Variants in SVIL observed in about 807,000 individuals in gnomAD.
SVIL encodes supervillin, also known as archvillin.
SVIL carries 101 observed loss-of-function variants against 240.4 expected under a neutral mutation model. The observed-to-expected ratio is 0.42, with a 90% CI of 0.36 to 0.50. SVIL has a LOEUF of 0.50. Ranked by LOEUF, SVIL falls within the 20% of genes least tolerant of loss-of-function variation. The pLI is 0.01. For synonymous variants in SVIL, 999 were observed against 1,100.0 expected (o/e 0.91, Z 1.82); for missense variants, 2,512 against 2,818.7 (o/e 0.89, Z 2.46).
At chr10:29,682,090 C>A (rs1564759613) in intron 2 of SVIL, among the ~76,000 whole-genome samples, 1 of 152,108 alleles carries the variant, frequency 6.6e-6, no homozygotes, top group Non-Finnish European at 1.5e-5. Context: ...GCATGGACAC[C>A]CATGCTGGCT....
chr10:29,614,421 T>C (rs1403054476), intron 1 of SVIL, among the ~76,000 whole-genome samples: 1 of 152,074 alleles, frequency 6.6e-6, no homozygotes. Context: ...CAAATGCCCA[T>C]CAATGATAGA....
intron 3 of SVIL, among the ~76,000 whole-genome samples, chr10:29,562,783 A>AG (rs1954623261): frequency 1.3e-5 from 2 of 149,146 alleles, no homozygotes; most frequent in African/African-American, 5.0e-5. Flanking sequence ...AAAAAAAAAA[A>AG]AAAAAAAAAA....
chr10:29,512,421 C>CTTTAATA (rs1239832987), intron 17 of SVIL, among the ~76,000 whole-genome samples: 2 of 152,146 alleles, frequency 1.3e-5, no homozygotes, highest in Non-Finnish European at 2.9e-5. Flanking sequence ...ATTATAAAGG[C>CTTTAATA]TTTAATAACA....
At chr10:29,469,586 C>T (rs11007604) in intron 32 of SVIL, among the ~76,000 whole-genome samples, 14,434 of 152,292 alleles carry the variant, frequency 0.095, 856 homozygotes, top group Non-Finnish European at 0.13. Context: ...AGGCAGACCA[C>T]CTTACCGGGG....
At chr10:29,490,706 G>T in intron 22 of SVIL, 141 bp downstream of exon 22, 4 of 991,196 alleles carry the variant, frequency 4.0e-6, no homozygotes, top group Non-Finnish European at 2.9e-6. Context: ...ACATGTATGT[G>T]CAAACTTACT....
chr10:29,702,721 C>T (rs1289211238), intron 1 of SVIL, among the ~76,000 whole-genome samples: 2 of 152,192 alleles, frequency 1.3e-5, no homozygotes, highest in African/African-American at 4.8e-5. Context: ...CCTTTGATGA[C>T]TTTGAATTAT....
chr10:29,644,365 G>A (rs1287506987), intron 3 of SVIL, among the ~76,000 whole-genome samples: 1 of 152,152 alleles, frequency 6.6e-6, no homozygotes, highest in Non-Finnish European at 1.5e-5. Flanking sequence ...GAGACACACA[G>A]GAGCGAGGAG....
chr10:29,685,328 T>C lies in SVIL; in HGVS notation c.-301+1225A>G, dbSNP rs535118781. ...TCTTTATCTAGTCTACTACCATTGA[T>C]GGGCATTTAGGTTGATTCCATGTCT... is the stretch of plus-strand genomic sequence containing the variant. On this transcript the variant is annotated intron_variant, in intron 2 of 35. Transcript: ENST00000375400. Among the ~76,000 whole-genome samples, 58 of 152,370 alleles carry C rather than the reference T, an allele frequency of 3.8e-4. No individual in the cohort carries two copies. The South Asian group carries it at 5.6e-3, about 15-fold the overall frequency.
chr10:29,546,703 T>C (rs1341667809), intron 6 of SVIL, among the ~76,000 whole-genome samples: 1 of 152,206 alleles, frequency 6.6e-6, no homozygotes, highest in African/African-American at 2.4e-5. Flanking sequence ...CACATTTGAA[T>C]ATTTAGGACA....
chr10:29,528,878 A>C (rs1051127933), intron 12 of SVIL, among the ~76,000 whole-genome samples: 3 of 152,160 alleles, frequency 2.0e-5, no homozygotes, highest in Non-Finnish European at 4.4e-5. Flanking sequence ...ATTGTTTGGA[A>C]AGTTATCAAA....
Position 29,458,173 on chromosome 10 carries a change from A to AAAAT in SVIL, c.*70_*73dup. The AAAAT allele has an allele frequency of 6.9e-7, 1 of 1,445,830 alleles. No homozygotes were observed. 89.6% of individuals were successfully genotyped at this position (1,445,830 alleles called of 1,614,324 possible). A position where few individuals can be genotyped will look rare whatever the true frequency, so the allele number is the denominator to read the frequency against. On this transcript the variant is annotated 3_prime_UTR_variant, in exon 38 of 38. Transcript: ENST00000355867. ...ATACTTTGTGAAAAACACCAGTCCA[A>AAAAT]AAATATATATCCATTTCCCTGGTGC...
At chr10:29,644,633 T>G (rs1958596716) in intron 3 of SVIL, among the ~76,000 whole-genome samples, 4 of 152,040 alleles carry the variant, frequency 2.6e-5, no homozygotes, top group South Asian at 2.1e-4. Context: ...ATCATGCCAC[T>G]GCACTCCAGC....
rs118053732 is a variant in SVIL, at chr10:29,727,444, T to A, written c.-400+8307A>T. ...ACACCAGCTAATTAAAAAAAAAAAA[T>A]TATAGAGAAATGTTGTCCGGGCTGG... On this transcript the variant is annotated intron_variant, in intron 1 of 35. Transcript: ENST00000375400. Among the ~76,000 whole-genome samples the A allele has an allele frequency of 4.8e-3, 734 of 151,420 alleles. 17 individuals are homozygous for A. The East Asian group carries it at 0.075, about 16-fold the overall frequency.
At chr10:29,472,205 T>C (rs577502343) in intron 30 of SVIL, among the ~76,000 whole-genome samples, 2 of 152,338 alleles carry the variant, frequency 1.3e-5, no homozygotes, top group African/African-American at 4.8e-5. Flanking sequence ...CTCAAAACTC[T>C]GAGGATGATT....
chr10:29,607,954 T>A (rs868079908), intron 1 of SVIL, among the ~76,000 whole-genome samples: 3 of 152,230 alleles, frequency 2.0e-5, no homozygotes, highest in Non-Finnish European at 4.4e-5. Flanking sequence ...TTCTCTAATA[T>A]GAGACGAATA....
At chr10:29,505,530 G>GTGA (rs140821094) in intron 17 of SVIL, among the ~76,000 whole-genome samples, 3,091 of 152,184 alleles carry the variant, frequency 0.02, 100 homozygotes, top group African/African-American at 0.07. Context: ...GGCGGTGAGA[G>GTGA]TGATGAGCAG....
rs74129296 is a variant in SVIL at position 29,471,165 on chromosome 10, G to A, written c.5608C>T (p.Arg1870Trp). The part of the protein sequence containing the change: ...QGGMVVHSGR[R>W]EEEEENVQSE... ...TGCACATTTTCTTCTTCCTCTTCCC[G>A]CCTCCCCGAGTGCACCACCATCCCC... is the stretch of plus-strand genomic sequence containing the variant. The change falls in exon 31 of 38, where the codon CGG becomes TGG. Residue 1870 changes from arginine (R) to tryptophan (W), a missense_variant. Physicochemically the swap from Arg to Trp is moderately radical, Grantham distance 101. This residue lies in a region of SVIL where 797 missense variants were observed against 925.3 expected (regional missense o/e 0.86). Transcript: ENST00000355867. 5.6e-6 allele frequency: 9 copies of A among 1,613,596 alleles called. 1 individual carries two copies. The highest frequency in any genetic ancestry group is 4.4e-5 in the South Asian group (4 of 90,988).
At chr10:29,577,728 GTTC>G (rs1955766375) in intron 1 of SVIL, among the ~76,000 whole-genome samples, 1 of 152,110 alleles carries the variant, frequency 6.6e-6, no homozygotes, top group South Asian at 2.1e-4. Context: ...TTAAATGGTA[GTTC>G]TACTTTTGGT....
rs143059263 is a variant in SVIL at position 29,547,082 on chromosome 10, G to A, written c.827+3515C>T. ...GAGGTTTCTTTTGTTACTGTTTTGG[G>A]TTACCACATATTTTTTTTGGTTCAT... On this transcript the variant is annotated intron_variant, in intron 6 of 37. Transcript: ENST00000355867. Among the ~76,000 whole-genome samples, 625 of 152,118 alleles carry A rather than the reference G, an allele frequency of 4.1e-3. 4 individuals carry two copies. The highest frequency in any genetic ancestry group is 0.017 in the South Asian group (81 of 4,822).
Sources: allele counts gnomAD v4.1 joint callset (sites outside exome capture counted in the v4.1 genomes callset), GRCh38; gene constraint gnomAD v4.1.1; regional missense constraint gnomAD v4.1.1; transcripts MANE v1.5; gene names NCBI Gene and HGNC (gene_info 2026-07-23, HGNC 2026-07-21).